The following PIGG variants were observed in gnomAD, a reference collection of about 807,000 sequenced individuals.
The protein encoded by PIGG is phosphatidylinositol glycan anchor biosynthesis class G (EMM blood group).
PIGG carries 70 observed loss-of-function variants against 83.2 expected under a neutral mutation model. That is an observed-to-expected ratio of 0.84 (90% confidence interval 0.69 to 1.03). The LOEUF is 1.03. Ranked by LOEUF, PIGG falls within the 50% of genes least tolerant of loss-of-function variation. The pLI is 0.00. For missense variants in PIGG, 1,257 were observed against 1,233.6 expected (o/e 1.02, Z -0.28); for synonymous variants, 532 against 519.5 (o/e 1.02, Z -0.33).
In PIGG at chr4:508,989, T is replaced by C; in HGVS notation, c.901+19T>C. 6.3e-7 allele frequency: 1 copy of C among 1,598,084 alleles called. No individual in the cohort carries two copies. The highest frequency in any genetic ancestry group is 8.6e-7 in the Non-Finnish European group (1 of 1,169,398). On this transcript the variant is annotated intron_variant, in intron 5 of 12. Coordinates refer to ENST00000453061, the MANE Select transcript of PIGG (RefSeq NM_001127178.3). ...AAACCCGGTGAGAATTTAGGAATGT[T>C]AACAGTTGGAAATTGTATTACATTT...
intron 12 of PIGG, chr4:536,332 G>A (rs1026733713): frequency 1.3e-5 from 2 of 152,324 alleles, no homozygotes; most frequent in South Asian, 4.1e-4. Flanking sequence ...AGGAATGCCT[G>A]AGATCCACCT....
intron 2 of PIGG, among the ~76,000 whole-genome samples, chr4:504,001 A>G (rs1361029959): frequency 2.0e-5 from 3 of 152,146 alleles, no homozygotes; most frequent in Non-Finnish European, 1.5e-5. Flanking sequence ...TTTTTATACA[A>G]TTACATTTTT....
intron 6 of PIGG, among the ~76,000 whole-genome samples, chr4:518,831 G>T (rs1026476770): frequency 2.6e-5 from 4 of 152,014 alleles, no homozygotes; most frequent in African/African-American, 7.3e-5. Context: ...ACAAAATGGG[G>T]TATGTGTTCT....
intron 9 of PIGG, chr4:524,448 C>G (rs569942651): frequency 6.5e-6 from 1 of 152,744 alleles, no homozygotes; most frequent in Non-Finnish European, 1.5e-5. Flanking sequence ...AGGAAACTGG[C>G]GGTCATGGCG....
At chr4:510,200 C>T (rs983379538) in intron 5 of PIGG, among the ~76,000 whole-genome samples, 9 of 152,182 alleles carry the variant, frequency 5.9e-5, no homozygotes, top group Admixed American at 2.6e-4. Flanking sequence ...TATTTATTAA[C>T]GGCAAACCAG....
intron 12 of PIGG, among the ~76,000 whole-genome samples, chr4:535,428 G>A (rs553676305): frequency 5.3e-5 from 8 of 152,342 alleles, no homozygotes; most frequent in South Asian, 2.1e-4. Context: ...ACCGCGCACC[G>A]CGGCCCGGCC....
At position 507,471 on chromosome 4, in the gene PIGG, C is replaced by G; in HGVS notation, c.637C>G (p.Leu213Val). ...AAGAGGAGATTGGGACATATTAATC[C>G]TCCACTACCTGGGGCTGGACCACAT... ...LKRGDWDILI[L>V]HYLGLDHIGH... is the part of the protein sequence containing the mutation. Residue 213 changes from leucine to valine, a missense_variant, in exon 4 of 13, where the codon CTC (leucine) becomes GTC (valine). Physicochemically the swap from Leu to Val is conservative, Grantham distance 32. Transcript: ENST00000453061. The G allele has an allele frequency of 6.2e-7, 1 of 1,613,926 alleles. No individual in the cohort carries two copies. Among genetic ancestry groups the G allele is most frequent in the Non-Finnish European group, 8.5e-7 (1 of 1,179,792 alleles).
chr4:524,314 C>T (rs187799118), intron 9 of PIGG, among the ~76,000 whole-genome samples: 2 of 152,218 alleles, frequency 1.3e-5, no homozygotes, highest in African/African-American at 2.4e-5. Flanking sequence ...TCAGGCCATT[C>T]GTGTGTTGCT....
At position 528,060 on chromosome 4, in the gene PIGG, G is replaced by A. The variant is rs2109001480; in HGVS notation, c.2261+830G>A. 2 of 985,290 alleles carry A rather than the reference G, an allele frequency of 2.0e-6. No individual in the cohort carries two copies. The highest frequency in any genetic ancestry group is 4.7e-5 in the South Asian group (1 of 21,284). The allele number at this position is 985,290 out of a possible 1,614,324, so 61.0% of individuals were successfully genotyped here. A position where few individuals can be genotyped will look rare whatever the true frequency, so the allele number is the denominator to read the frequency against. ...ATACAGTGATCCTCCCAGTGAGGTC[G>A]GTGCTCTGACAGTGACCGTCCCAGT... On this transcript the variant is annotated intron_variant, in intron 10 of 12. Transcript: ENST00000453061. This position sits in a 1 kb window ranked among gnomAD's most constrained non-coding sequence, Gnocchi z 4.8.
In PIGG at chr4:523,874, A is replaced by C. The variant is rs773058327; in HGVS notation, c.2030A>C (p.Gln677Pro). 34 of 1,563,950 alleles carry C rather than the reference A, an allele frequency of 2.2e-5. No individual in the cohort carries two copies. Among genetic ancestry groups the C allele is most frequent in the Middle Eastern group, 1.7e-4 (1 of 5,990 alleles). ...CGCTCCCTAAACCAGACAGGTGTGC[A>C]GTGGGCTCACCGGCCTGACCTCGGC... ...LLRSLNQTGV[Q>P]WAHRPDLGHW... The change falls in exon 9 of 13, where the codon CAG (glutamine) becomes CCG (proline). Residue 677 changes from glutamine (Q) to proline (P), a missense_variant. By Grantham distance (76) the Gln-to-Pro change is moderately conservative (BLOSUM62 -1). Coordinates refer to ENST00000453061, the MANE Select transcript of PIGG (RefSeq NM_001127178.3).
At chr4:507,971 T>TTCTGTGTCACTCTCTCTGC (rs1560287207) in intron 4 of PIGG, among the ~76,000 whole-genome samples, 26 of 152,274 alleles carry the variant, frequency 1.7e-4, no homozygotes, top group Admixed American at 9.8e-4. Context: ...TCACTCTCTG[T>TTCTGTGTCACTCTCTCTGC]TCTGTGTCAC....
In PIGG at chr4:499,451, A is replaced by T. The variant is rs781955839; in HGVS notation, c.116A>T (p.Glu39Val). The stretch of plus-strand genomic sequence containing the variant: ...CCCGTTCGTTCCTCTGCCAGAGCGG[A>T]ACACGGAGCGGAGCCCCCAGCGCCC... ...PAPVRSSARAEHGAEPPAPEP... is the reference protein window; with the variant it reads ...PAPVRSSARAVHGAEPPAPEP... The change falls in exon 1 of 13, where the codon GAA (glutamate) becomes GTA (valine). Residue 39 changes from glutamate (E) to valine (V), a missense_variant. Glu to Val is a moderately radical substitution (Grantham distance 121, BLOSUM62 -2). Coordinates refer to ENST00000453061, the MANE Select transcript of PIGG (RefSeq NM_001127178.3). 1.2e-6 allele frequency: 2 copies of T among 1,604,008 alleles called. No individual in the cohort carries two copies. Among genetic ancestry groups the T allele is most frequent in the South Asian group, 2.2e-5 (2 of 90,724 alleles).
At chr4:501,036 A>T in intron 2 of PIGG, 1 of 436,126 alleles carries the variant, frequency 2.3e-6, no homozygotes, top group South Asian at 1.6e-5. Flanking sequence ...CCACCAGTAT[A>T]CATAATGATC....
At chr4:537,868 T>G (rs1040689477) in intron 12 of PIGG, among the ~76,000 whole-genome samples, 1 of 152,196 alleles carries the variant, frequency 6.6e-6, no homozygotes, top group Non-Finnish European at 1.5e-5. Context: ...TCGTGGCTGT[T>G]GACACCCTTT....
At chr4:537,524 G>A (rs1414822118) in intron 12 of PIGG, among the ~76,000 whole-genome samples, 1 of 152,204 alleles carries the variant, frequency 6.6e-6, no homozygotes, top group Non-Finnish European at 1.5e-5. Flanking sequence ...CTGTCACCAG[G>A]AGGTGTATTG....
At chr4:518,594 A>G (rs1181175195) in intron 6 of PIGG, among the ~76,000 whole-genome samples, 1 of 152,222 alleles carries the variant, frequency 6.6e-6, no homozygotes, top group Non-Finnish European at 1.5e-5. Flanking sequence ...CTCCATCTCA[A>G]AAAACAAAAC....
rs10024763 is a variant in PIGG, at chr4:520,836, C to T, written c.1115-220C>T. 0.066 allele frequency among the ~76,000 whole-genome samples: 9,999 copies of T among 152,260 alleles called. 610 individuals are homozygous for T. The highest frequency in any genetic ancestry group is 0.17 in the African/African-American group (6,961 of 41,542). On this transcript the variant is annotated intron_variant, in intron 6 of 12. Coordinates refer to ENST00000453061, the MANE Select transcript of PIGG (RefSeq NM_001127178.3). ...GTATGCCAAGGACCAAGGCCTGCAT[C>T]GCCAGAGGGCAGATGGATGCACATT...
intron 12 of PIGG, among the ~76,000 whole-genome samples, chr4:538,899 A>G (rs889642341): frequency 2.6e-5 from 4 of 152,030 alleles, no homozygotes; most frequent in Non-Finnish European, 4.4e-5. Flanking sequence ...GACATGTTAC[A>G]TATCTGGTTT....
rs1717214603 is a variant in PIGG at position 500,393 on chromosome 4, T to C, written c.155-3T>C. The C allele has an allele frequency of 6.2e-7, 1 of 1,610,824 alleles. No individual in the cohort carries two copies. Among genetic ancestry groups the C allele is most frequent in the Non-Finnish European group, 8.5e-7 (1 of 1,177,350 alleles). On this transcript the variant is annotated splice_polypyrimidine_tract_variant and splice_region_variant and intron_variant, in intron 1 of 12. Coordinates refer to ENST00000453061, the MANE Select transcript of PIGG (RefSeq NM_001127178.3). ...TTTCCTTTTTTTTCTTTCAAACACTTAGGAGCCAGTTCTAACTGGACCACG... is the reference window on the plus strand; with the variant it reads ...TTTCCTTTTTTTTCTTTCAAACACTCAGGAGCCAGTTCTAACTGGACCACG...
Sources: allele counts gnomAD v4.1 joint callset (sites outside exome capture counted in the v4.1 genomes callset), GRCh38; gene constraint gnomAD v4.1.1; non-coding constraint Gnocchi (gnomAD v3.1); transcripts MANE v1.5; gene names NCBI Gene and HGNC (gene_info 2026-07-23, HGNC 2026-07-21).